The following ZNF804A variants were observed in gnomAD, a reference collection of about 807,000 sequenced individuals.
The protein encoded by ZNF804A is zinc finger protein 804A.
In ZNF804A, 2 loss-of-function variants were observed where a neutral mutation model predicts 16.5. The observed-to-expected ratio is 0.12, with a 90% CI of 0.05 to 0.38. ZNF804A has a LOEUF of 0.38. Among genes scored for constraint, ZNF804A ranks in the 10% least tolerant of loss-of-function variants. The pLI is 0.99. For missense variants in ZNF804A, 1,473 were observed against 1,390.7 expected (o/e 1.06, Z -0.94); for synonymous variants, 534 against 489.6 (o/e 1.09, Z -1.20).
chr2:184,688,485 C>G (rs1232473608), intron 1 of ZNF804A, among the ~76,000 whole-genome samples: 1 of 151,814 alleles, frequency 6.6e-6, no homozygotes, highest in Non-Finnish European at 1.5e-5. Flanking sequence ...GACCAAATTT[C>G]TTTTTTCAGA....
chr2:184,900,319 T>C (rs528770914), intron 2 of ZNF804A, among the ~76,000 whole-genome samples: 24 of 152,244 alleles, frequency 1.6e-4, no homozygotes, highest in African/African-American at 5.8e-4. Flanking sequence ...TTGAGTGTTA[T>C]ACCACAGAAA....
chr2:184,874,401 G>A (rs1277405857), intron 2 of ZNF804A, among the ~76,000 whole-genome samples: 2 of 151,968 alleles, frequency 1.3e-5, no homozygotes, highest in Non-Finnish European at 2.9e-5. Context: ...AAATCATTAA[G>A]CCAGGAAATA....
At chr2:184,710,120 T>A (rs899004241) in intron 1 of ZNF804A, among the ~76,000 whole-genome samples, 5 of 151,450 alleles carry the variant, frequency 3.3e-5, no homozygotes, top group Admixed American at 1.3e-4. Context: ...ACCTTCAAAG[T>A]GGTCTTGTAT....
chr2:184,651,503 A>G (rs1384721930), intron 1 of ZNF804A, among the ~76,000 whole-genome samples: 4 of 152,134 alleles, frequency 2.6e-5, no homozygotes, highest in Non-Finnish European at 5.9e-5. Context: ...ATAAACAGAC[A>G]ACCTACACAA....
rs1408602819 is a variant in ZNF804A at position 184,706,200 on chromosome 2, C to T, written c.111+107130C>T. On this transcript the variant is annotated intron_variant, in intron 1 of 3. Transcript: ENST00000302277. ...GCCCATGAGTTGGTATATTATCACA[C>T]ATCTGGCCACTTCTCCTTCCAAGCA... Among the ~76,000 whole-genome samples the T allele has an allele frequency of 2.0e-5, 3 of 152,174 alleles. No homozygotes were observed. The East Asian group carries it at 5.8e-4, about 29-fold the overall frequency.
intron 1 of ZNF804A, among the ~76,000 whole-genome samples, chr2:184,636,240 C>T (rs1172733854): frequency 2.6e-5 from 4 of 151,244 alleles, no homozygotes; most frequent in African/African-American, 4.9e-5. Context: ...TTTAATGTTT[C>T]TCCCATTAAA....
chr2:184,727,918 G>C (rs990625243), intron 1 of ZNF804A, among the ~76,000 whole-genome samples: 2 of 151,710 alleles, frequency 1.3e-5, no homozygotes, highest in Admixed American at 6.6e-5. Context: ...AGAATAATCT[G>C]CCCAAGAACA....
chr2:184,647,731 G>C (rs549310338), intron 1 of ZNF804A, among the ~76,000 whole-genome samples: 46 of 152,254 alleles, frequency 3.0e-4, no homozygotes, highest in African/African-American at 1.1e-3. Context: ...AGAAATATGG[G>C]ATTATGTAAA....
At chr2:184,900,378 G>C (rs536858502) in intron 2 of ZNF804A, among the ~76,000 whole-genome samples, 1 of 152,028 alleles carries the variant, frequency 6.6e-6, no homozygotes, top group African/African-American at 2.4e-5. Flanking sequence ...TTAAAACTAC[G>C]CGAAGAAGAG....
In ZNF804A at chr2:184,624,526, G is replaced by T. The variant is rs77290386; in HGVS notation, c.111+25456G>T. ...TGATTCTATAAAAGACTGAGCATAT[G>T]TGCCAAGTTGGATCACTTACAAACT... On this transcript the variant is annotated intron_variant, in intron 1 of 3. Transcript: ENST00000302277. 3.3e-3 allele frequency among the ~76,000 whole-genome samples: 501 copies of T among 152,258 alleles called. 5 individuals carry two copies. The highest frequency in any genetic ancestry group is 0.012 in the African/African-American group (478 of 41,560).
At chr2:184,900,494 A>C (rs755391965) in intron 2 of ZNF804A, among the ~76,000 whole-genome samples, 2 of 152,170 alleles carry the variant, frequency 1.3e-5, no homozygotes, top group Non-Finnish European at 2.9e-5. Flanking sequence ...GCAGGGGAAT[A>C]AATATTTCAG....
intron 1 of ZNF804A, among the ~76,000 whole-genome samples, chr2:184,695,399 C>T (rs908934436): frequency 2.1e-5 from 3 of 143,024 alleles, no homozygotes; most frequent in South Asian, 4.4e-4. Context: ...AGGCGGAGCT[C>T]GCAGTGAGCC....
intron 1 of ZNF804A, among the ~76,000 whole-genome samples, chr2:184,794,103 T>C (rs1694593412): frequency 6.6e-6 from 1 of 152,100 alleles, no homozygotes; most frequent in South Asian, 2.1e-4. Flanking sequence ...GGGATTGCTG[T>C]GTTAAATGGT....
chr2:184,651,027 C>T (rs1359563586), intron 1 of ZNF804A, among the ~76,000 whole-genome samples: 1 of 151,944 alleles, frequency 6.6e-6, no homozygotes, highest in African/African-American at 2.4e-5. Flanking sequence ...ATCATATTAC[C>T]CAACTTCAAA....
intron 1 of ZNF804A, among the ~76,000 whole-genome samples, chr2:184,793,593 T>C (rs1325232131): frequency 6.6e-6 from 1 of 152,118 alleles, no homozygotes; most frequent in African/African-American, 2.4e-5. Flanking sequence ...TTCCATAGAT[T>C]ATTGGGGAAC....
chr2:184,883,931 A>G (rs1379400538), intron 2 of ZNF804A, among the ~76,000 whole-genome samples: 1 of 152,146 alleles, frequency 6.6e-6, no homozygotes, highest in Non-Finnish European at 1.5e-5. Flanking sequence ...TATTTCACAT[A>G]GTACTAGAGG....
At chr2:184,659,673 G>A (rs1353335915) in intron 1 of ZNF804A, among the ~76,000 whole-genome samples, 1 of 152,018 alleles carries the variant, frequency 6.6e-6, no homozygotes, top group Non-Finnish European at 1.5e-5. Flanking sequence ...ACTCAGGCAT[G>A]GCTGACCCCA....
At chr2:184,874,302 A>G (rs1696019296) in intron 2 of ZNF804A, among the ~76,000 whole-genome samples, 1 of 152,162 alleles carries the variant, frequency 6.6e-6, no homozygotes, top group African/African-American at 2.4e-5. Context: ...TATTCTAATT[A>G]TTAAACTGGA....
chr2:184,811,380 C>G (rs1004767646), intron 1 of ZNF804A, among the ~76,000 whole-genome samples: 1 of 152,034 alleles, frequency 6.6e-6, no homozygotes, highest in Admixed American at 6.5e-5. Context: ...GAATCAAGAA[C>G]CGATGATAAC....
Sources: allele counts gnomAD v4.1 joint callset (sites outside exome capture counted in the v4.1 genomes callset), GRCh38; gene constraint gnomAD v4.1.1; transcripts MANE v1.5; gene names NCBI Gene and HGNC (gene_info 2026-07-23, HGNC 2026-07-21).